ARHGEF10: variants seen among roughly 807,000 people sequenced by gnomAD.
ARHGEF10 encodes the protein Rho guanine nucleotide exchange factor 10.
In ARHGEF10, 140 loss-of-function variants were observed where a neutral mutation model predicts 147.4. That is an observed-to-expected ratio of 0.95 (90% CI 0.83 to 1.09). The LOEUF is 1.09. Among genes scored for constraint, ARHGEF10 ranks in the 50% least tolerant of loss-of-function variants. The pLI, the probability that ARHGEF10 is intolerant of heterozygous loss-of-function variation, is 0.00. For synonymous variants in ARHGEF10, 902 were observed against 695.8 expected (o/e 1.30, Z -4.67); for missense variants, 2,222 against 1,752.7 (o/e 1.27, Z -4.78).
chr8:1,856,201 C>G (rs745549370), intron 2 of ARHGEF10, among the ~76,000 whole-genome samples: 1 of 152,220 alleles, frequency 6.6e-6, no homozygotes, highest in African/African-American at 2.4e-5. Context: ...TCCTATCAGA[C>G]GTATGTTTTA....
intron 9 of ARHGEF10, among the ~76,000 whole-genome samples, 172 bp from the exon 10 acceptor site, chr8:1,882,463 T>C (rs188310725): frequency 6.6e-6 from 1 of 152,214 alleles, no homozygotes; most frequent in East Asian, 1.9e-4. Context: ...AAGGTCTGTT[T>C]TTTCCTTTTT....
chr8:1,881,255 C>T (rs1808169411), intron 9 of ARHGEF10, among the ~76,000 whole-genome samples: 1 of 146,982 alleles, frequency 6.8e-6, no homozygotes, highest in Non-Finnish European at 1.5e-5. Flanking sequence ...GAGGCTGTGA[C>T]CTGGAACCCG....
chr8:1,930,597 A>ACCACC (rs1813049533), intron 25 of ARHGEF10, among the ~76,000 whole-genome samples: 1 of 151,178 alleles, frequency 6.6e-6, no homozygotes, highest in African/African-American at 2.4e-5. Context: ...CTGCCCTCCA[A>ACCACC]CCACCCCCGT....
At position 1,878,412 on chromosome 8, in the gene ARHGEF10, C is replaced by T. The variant is rs186326202; in HGVS notation, c.844-1636C>T. 2.7e-3 allele frequency among the ~76,000 whole-genome samples: 408 copies of T among 152,270 alleles called. 2 individuals carry two copies. The highest frequency in any genetic ancestry group is 9.3e-4 in the Non-Finnish European group (63 of 68,024). ...ATATTGGCCAGGCTGGTCTCGAACT[C>T]CTGACCTCGTGATCTGCCTGCCTCA... On this transcript the variant is annotated intron_variant, in intron 8 of 28. Coordinates refer to ENST00000349830, the MANE Select transcript of ARHGEF10 (RefSeq NM_014629.4).
chr8:1,856,496 G>C (rs766552585), intron 2 of ARHGEF10, among the ~76,000 whole-genome samples: 5 of 152,216 alleles, frequency 3.3e-5, no homozygotes, highest in Non-Finnish European at 5.9e-5. Flanking sequence ...GAGATTCAAA[G>C]GAAAATGAAA....
chr8:1,935,671 C>G (rs987557166), intron 26 of ARHGEF10, among the ~76,000 whole-genome samples: 9 of 152,330 alleles, frequency 5.9e-5, no homozygotes, highest in African/African-American at 2.2e-4. Flanking sequence ...CTAGAGAAAT[C>G]CTCTCTACAG....
intron 4 of ARHGEF10, among the ~76,000 whole-genome samples, chr8:1,861,406 G>T (rs187544525): frequency 5.3e-5 from 8 of 152,340 alleles, no homozygotes; most frequent in African/African-American, 1.9e-4. Flanking sequence ...CACATACCCT[G>T]CCTCTGTCTT....
intron 5 of ARHGEF10, among the ~76,000 whole-genome samples, chr8:1,865,984 T>G (rs1806573633): frequency 1.3e-5 from 2 of 152,306 alleles, no homozygotes; most frequent in South Asian, 4.1e-4. Flanking sequence ...AGTGGAGCAT[T>G]CCCGTAGCTA....
chr8:1,920,987 T>C (rs1260608908), intron 18 of ARHGEF10, among the ~76,000 whole-genome samples: 1 of 152,178 alleles, frequency 6.6e-6, no homozygotes, highest in East Asian at 1.9e-4. Flanking sequence ...GGTTTCTCCA[T>C]GTTGATCAGG....
Position 1,950,708 on chromosome 8 carries a change from ATT to A in ARHGEF10, c.3398-1991_3398-1990del, listed in dbSNP as rs774114750. Among the ~76,000 whole-genome samples the A allele has an allele frequency of 2.0e-3, 167 of 85,152 alleles. 1 individual carries two copies. Among genetic ancestry groups the A allele is most frequent in the Non-Finnish European group, 3.3e-3 (127 of 38,080 alleles). 55.9% of individuals were successfully genotyped at this position (85,152 alleles called of 152,430 possible). A position where few individuals can be genotyped will look rare whatever the true frequency, so the allele number is the denominator to read the frequency against. On this transcript the variant is annotated intron_variant, in intron 27 of 28. Coordinates refer to ENST00000349830, the MANE Select transcript of ARHGEF10 (RefSeq NM_014629.4). The stretch of plus-strand genomic sequence containing the variant: ...CACCACGCCCAGCTAGTTTTTTTGT[ATT>A]TTTTTGTTTTGTTTTTTAGGTTTTT...
chr8:1,866,700 T>G, intron 6 of ARHGEF10, 98 bp downstream of exon 6: 1 of 1,098,426 alleles, frequency 9.1e-7, no homozygotes, highest in Non-Finnish European at 1.4e-6. Context: ...CCATCAGATC[T>G]AAAACTCTAA....
intron 15 of ARHGEF10, among the ~76,000 whole-genome samples, chr8:1,902,754 C>T (rs964554721): frequency 6.6e-6 from 1 of 152,152 alleles, no homozygotes; most frequent in African/African-American, 2.4e-5. Flanking sequence ...GACATGGACC[C>T]ACCACGATAG....
At chr8:1,882,553 A>G (rs1808293904) in intron 9 of ARHGEF10, 82 bp from the exon 10 acceptor site, 18 of 1,113,546 alleles carry the variant, frequency 1.6e-5, no homozygotes, top group Non-Finnish European at 2.3e-5. Flanking sequence ...ACTACTTGAC[A>G]GTATTCTTTT....
At chr8:1,953,463 C>T (rs1815225262) in intron 28 of ARHGEF10, among the ~76,000 whole-genome samples, 1 of 152,252 alleles carries the variant, frequency 6.6e-6, no homozygotes, top group Non-Finnish European at 1.5e-5. Flanking sequence ...AGTAAGAGCT[C>T]AGGCTGGAAC....
At chr8:1,954,422 T>G (rs540754912) in intron 28 of ARHGEF10, among the ~76,000 whole-genome samples, 1 of 152,166 alleles carries the variant, frequency 6.6e-6, no homozygotes, top group East Asian at 1.9e-4. Flanking sequence ...GATTTTGGAT[T>G]TCAGATTTGG....
chr8:1,844,344 G>T (rs7006467), intron 2 of ARHGEF10, among the ~76,000 whole-genome samples: 5,255 of 145,350 alleles, frequency 0.036, 77 homozygotes, highest in East Asian at 0.098. Flanking sequence ...AGTCACCGGG[G>T]CCTGGTAGAT....
At chr8:1,892,521 A>G (rs1250172011) in intron 11 of ARHGEF10, among the ~76,000 whole-genome samples, 3 of 152,104 alleles carry the variant, frequency 2.0e-5, no homozygotes, top group African/African-American at 7.2e-5. Flanking sequence ...TTTTAACCAG[A>G]GAAATTTCCG....
chr8:1,857,817 A>T, intron 2 of ARHGEF10, 143 bp from the exon 3 acceptor site: 2 of 733,178 alleles, frequency 2.7e-6, no homozygotes, highest in Admixed American at 2.7e-5. Flanking sequence ...AAAAAGGTTA[A>T]CTACAAGCGC....
chr8:1,879,581 C>G (rs1301355933), intron 8 of ARHGEF10, among the ~76,000 whole-genome samples: 1 of 149,230 alleles, frequency 6.7e-6, no homozygotes, highest in Non-Finnish European at 1.5e-5. Flanking sequence ...GAGACAGGGT[C>G]TTACTCTGTC....
Sources: gnomAD v4.1 joint callset for allele counts (sites outside exome capture counted in the v4.1 genomes callset) on GRCh38, gnomAD v4.1.1 for gene constraint, MANE v1.5 for transcripts, NCBI Gene and HGNC (gene_info 2026-07-23, HGNC 2026-07-21) for gene names.